Variants in SLC24A2 observed in about 807,000 individuals in gnomAD.
SLC24A2 encodes the protein solute carrier family 24 member 2.
SLC24A2 carries 36 observed loss-of-function variants against 62.0 expected under a neutral mutation model. The observed-to-expected ratio is 0.58, with a 90% CI of 0.44 to 0.77. The LOEUF is 0.77. Ranked by LOEUF, SLC24A2 falls within the 30% of genes least tolerant of loss-of-function variation. SLC24A2 has a pLI of 0.00. For missense variants in SLC24A2, 846 were observed against 817.9 expected (o/e 1.03, Z -0.42); for synonymous variants, 358 against 294.0 (o/e 1.22, Z -2.23).
the SLC24A2 span, among the ~76,000 whole-genome samples, chr9:20,225,354 G>C: frequency 3.3e-5 from 5 of 151,052 alleles, no homozygotes; most frequent in African/African-American, 1.2e-4. Context: ...GGATAAATGG[G>C]TATGGAAACA....
intron 9 of SLC24A2, among the ~76,000 whole-genome samples, chr9:19,525,242 T>C (rs1050699819): frequency 1.3e-5 from 2 of 152,116 alleles, no homozygotes; most frequent in Non-Finnish European, 2.9e-5. Flanking sequence ...CATGTAGAAA[T>C]AAGACAGTGT....
At chr9:19,906,337 G>C in the SLC24A2 span, among the ~76,000 whole-genome samples, 1 of 151,420 alleles carries the variant, frequency 6.6e-6, no homozygotes, top group Non-Finnish European at 1.5e-5. Context: ...AGTGTGTAGA[G>C]GGAAATTTAT....
chr9:19,675,002 C>A (rs915311670), intron 2 of SLC24A2, among the ~76,000 whole-genome samples: 19 of 152,166 alleles, frequency 1.2e-4, no homozygotes, highest in Admixed American at 4.6e-4. Context: ...GAGGGAAGAT[C>A]TGGGGCTCAA....
chr9:20,022,995 G>A, the SLC24A2 span, among the ~76,000 whole-genome samples: 1 of 152,082 alleles, frequency 6.6e-6, no homozygotes, highest in African/African-American at 2.4e-5. Context: ...GACATAATAT[G>A]GAAAAGGAAT....
chr9:20,021,099 C>G, the SLC24A2 span, among the ~76,000 whole-genome samples: 21 of 152,118 alleles, frequency 1.4e-4, no homozygotes, highest in South Asian at 4.2e-3. Context: ...ACACACATAT[C>G]CAAATATAAA....
the SLC24A2 span, among the ~76,000 whole-genome samples, chr9:19,795,129 G>A: frequency 1.3e-5 from 2 of 152,100 alleles, no homozygotes; most frequent in African/African-American, 2.4e-5. Flanking sequence ...TTCCCAGCTC[G>A]GTTGTGGAGA....
chr9:19,639,146 G>A (rs1223305392), intron 2 of SLC24A2, among the ~76,000 whole-genome samples: 1 of 152,060 alleles, frequency 6.6e-6, no homozygotes, highest in East Asian at 1.9e-4. Context: ...CTCTCCCACA[G>A]ATCTTCATTC....
At chr9:20,059,630 A>T in the SLC24A2 span, among the ~76,000 whole-genome samples, 1 of 152,176 alleles carries the variant, frequency 6.6e-6, no homozygotes, top group African/African-American at 2.4e-5. Context: ...ACCAAAACTT[A>T]GGAGATGCAG....
chr9:19,700,963 T>A (rs1199439030), intron 2 of SLC24A2, among the ~76,000 whole-genome samples: 2 of 152,196 alleles, frequency 1.3e-5, no homozygotes, highest in Non-Finnish European at 2.9e-5. Flanking sequence ...TGTACACAAA[T>A]AGATATCCAA....
rs1242963047 is a variant in SLC24A2 at position 19,786,495 on chromosome 9, G to T, written c.372C>A (p.Ile124=). 1.2e-6 allele frequency: 2 copies of T among 1,614,178 alleles called. No homozygotes were observed. Among genetic ancestry groups the T allele is most frequent in the Non-Finnish European group, 1.7e-6 (2 of 1,180,034 alleles). ...DHAQGDYPKD[I]FSLEERRKGA... ...CTTTTCTTCTCTCCTCAAGGGAAAA[G>T]ATGTCTTTCGGGTAGTCTCCTTGGG... is the stretch of plus-strand genomic sequence containing the variant. The change falls in exon 2 of 11, where the codon ATC becomes ATA. Residue 124 remains isoleucine (I), a synonymous_variant. Transcript: ENST00000341998. This position sits in a 1 kb window ranked among gnomAD's most constrained non-coding sequence, Gnocchi z 5.0.
chr9:19,965,314 G>C, the SLC24A2 span, among the ~76,000 whole-genome samples: 1 of 152,176 alleles, frequency 6.6e-6, no homozygotes, highest in South Asian at 2.1e-4. Context: ...GGATGGCCCG[G>C]CTGTGTCCCT....
At chr9:19,741,318 G>A (rs537234316) in intron 2 of SLC24A2, among the ~76,000 whole-genome samples, 50 of 152,276 alleles carry the variant, frequency 3.3e-4, no homozygotes, top group Non-Finnish European at 4.9e-4. Context: ...AAGCCTGTAG[G>A]AAAAAGAAGG....
At chr9:20,243,540 C>G in the SLC24A2 span, among the ~76,000 whole-genome samples, 1 of 152,126 alleles carries the variant, frequency 6.6e-6, no homozygotes, top group African/African-American at 2.4e-5. Flanking sequence ...TATCTTCAAT[C>G]TGAGATCATT....
the SLC24A2 span, among the ~76,000 whole-genome samples, chr9:20,130,789 A>G: frequency 1.3e-5 from 2 of 152,170 alleles, no homozygotes; most frequent in Non-Finnish European, 1.5e-5. Flanking sequence ...CTGTTGTGTT[A>G]GATTGCAGAT....
At chr9:19,982,570 A>T in the SLC24A2 span, among the ~76,000 whole-genome samples, 1 of 152,182 alleles carries the variant, frequency 6.6e-6, no homozygotes, top group Non-Finnish European at 1.5e-5. Flanking sequence ...TTAAGATGTG[A>T]TTAGACTGGC....
At position 19,534,126 on chromosome 9, in the gene SLC24A2, A is replaced by G. The variant is rs34741276; in HGVS notation, c.1480-5988T>C. Among the ~76,000 whole-genome samples the G allele has an allele frequency of 5.0e-3, 755 of 152,296 alleles. 6 individuals are homozygous for G. The highest frequency in any genetic ancestry group is 6.8e-3 in the Non-Finnish European group (465 of 68,002). On this transcript the variant is annotated intron_variant, in intron 8 of 10. Coordinates refer to ENST00000341998, the MANE Select transcript of SLC24A2 (RefSeq NM_020344.4). ...GGGGAAAAAATTCGGTCCAGAGTTG[A>G]GAAGTGCTTTTCCTAATGTTGTACA...
At chr9:19,794,401 C>G in the SLC24A2 span, among the ~76,000 whole-genome samples, 1 of 151,720 alleles carries the variant, frequency 6.6e-6, no homozygotes, top group African/African-American at 2.4e-5. Flanking sequence ...AACTAAACAT[C>G]AGGTACACAT....
chr9:19,730,231 T>A (rs1245372901), intron 2 of SLC24A2, among the ~76,000 whole-genome samples: 1 of 152,112 alleles, frequency 6.6e-6, no homozygotes, highest in African/African-American at 2.4e-5. Context: ...TTGGAAAATA[T>A]TTGAATGTGA....
intron 2 of SLC24A2, among the ~76,000 whole-genome samples, chr9:19,679,554 G>C (rs918546422): frequency 4.6e-5 from 7 of 152,144 alleles, no homozygotes; most frequent in Non-Finnish European, 5.9e-5. Flanking sequence ...AGTAGACTGA[G>C]TAAAGATCAC....
Sources: allele counts gnomAD v4.1 joint callset (sites outside exome capture counted in the v4.1 genomes callset), GRCh38; gene constraint gnomAD v4.1.1; non-coding constraint Gnocchi (gnomAD v3.1); transcripts MANE v1.5; gene names NCBI Gene and HGNC (gene_info 2026-07-23, HGNC 2026-07-21).